SEPTIN14: variants seen among roughly 807,000 people sequenced by gnomAD.
SEPTIN14 encodes septin 14.
A neutral mutation model predicts 53.6 loss-of-function variants in SEPTIN14; 40 were observed. That is an observed-to-expected ratio of 0.75 (90% CI 0.58 to 0.97). SEPTIN14 has a LOEUF of 0.97. Ranked by LOEUF, SEPTIN14 falls within the 50% of genes least tolerant of loss-of-function variation. The probability of loss-of-function intolerance (pLI) is 0.00; values close to 1 mark genes in which losing one functional copy is unlikely to be tolerated. For missense variants in SEPTIN14, 471 were observed against 508.2 expected (o/e 0.93, Z 0.70); for synonymous variants, 138 against 166.8 (o/e 0.83, Z 1.33).
At chr7:55,861,107 A>G (rs1789741224) in intron 2 of SEPTIN14, among the ~76,000 whole-genome samples, 1 of 152,202 alleles carries the variant, frequency 6.6e-6, no homozygotes, top group Admixed American at 6.5e-5. Context: ...AGGAGTATTA[A>G]CCATGATTTG....
chr7:55,853,578 G>C (rs1202540096), intron 2 of SEPTIN14, among the ~76,000 whole-genome samples: 1 of 152,148 alleles, frequency 6.6e-6, no homozygotes, highest in Non-Finnish European at 1.5e-5. Context: ...CAAGGATATA[G>C]TTAGATAGAA....
chr7:55,828,549 C>T (rs1335109844), intron 6 of SEPTIN14, among the ~76,000 whole-genome samples: 1 of 152,058 alleles, frequency 6.6e-6, no homozygotes, highest in African/African-American at 2.4e-5. Context: ...CGTGATCCGC[C>T]CATCTCGGCC....
At chr7:55,839,108 C>T (rs1789261338) in intron 5 of SEPTIN14, among the ~76,000 whole-genome samples, 1 of 152,090 alleles carries the variant, frequency 6.6e-6, no homozygotes, top group Admixed American at 6.6e-5. Context: ...TATTTTGAGG[C>T]CAGGCGTGGT....
At chr7:55,857,147 C>T (rs959476621) in intron 2 of SEPTIN14, among the ~76,000 whole-genome samples, 1 of 151,556 alleles carries the variant, frequency 6.6e-6, no homozygotes, top group African/African-American at 2.4e-5. Context: ...CTGAGGCAGG[C>T]GGATCACCTG....
chr7:55,820,706 G>A (rs1199417753), intron 6 of SEPTIN14, among the ~76,000 whole-genome samples: 15 of 152,208 alleles, frequency 9.9e-5, no homozygotes, highest in South Asian at 2.1e-4. Context: ...TTGGGAGGCC[G>A]AGGTGGGCGG....
chr7:55,827,083 T>TA (rs1236929586), intron 6 of SEPTIN14, among the ~76,000 whole-genome samples: 2 of 152,150 alleles, frequency 1.3e-5, no homozygotes, highest in Non-Finnish European at 2.9e-5. Flanking sequence ...CTCCAGTACT[T>TA]ATGCATGCCA....
In SEPTIN14 at chr7:55,795,224, G is replaced by C. The variant is rs1422817486; in HGVS notation, c.*689C>G. On this transcript the variant is annotated 3_prime_UTR_variant, in exon 10 of 10. Transcript: ENST00000388975. ...TTTATGCCTATGAGTCCCCAACAAA[G>C]CCTCCAGCTTCTATTTGGATATAAA... 6.6e-6 allele frequency: 1 copy of C among 152,040 alleles called. No homozygotes were observed. The highest frequency in any genetic ancestry group is 2.4e-5 in the African/African-American group (1 of 41,366). 9.4% of individuals were successfully genotyped at this position (152,040 alleles called of 1,614,324 possible).
At chr7:55,861,858 A>C in intron 2 of SEPTIN14, 85 bp downstream of exon 2, 1 of 811,700 alleles carries the variant, frequency 1.2e-6, no homozygotes, top group Non-Finnish European at 1.9e-6. Context: ...CTATGCCTAC[A>C]TCAGTTTTCC....
intron 7 of SEPTIN14, among the ~76,000 whole-genome samples, chr7:55,813,843 G>A (rs1788747732): frequency 6.6e-6 from 1 of 152,172 alleles, no homozygotes; most frequent in Non-Finnish European, 1.5e-5. Context: ...CAGCCCAGCA[G>A]GACTCACCAC....
chr7:55,825,969 G>T (rs1366937800), intron 6 of SEPTIN14, among the ~76,000 whole-genome samples: 1 of 152,094 alleles, frequency 6.6e-6, no homozygotes, highest in East Asian at 1.9e-4. Flanking sequence ...GGGCGTGGTG[G>T]CAGGCGCCTG....
chr7:55,842,694 C>T (rs1026327639), intron 5 of SEPTIN14, among the ~76,000 whole-genome samples: 1 of 151,878 alleles, frequency 6.6e-6, no homozygotes, highest in Admixed American at 6.6e-5. Flanking sequence ...GGGAGGATCA[C>T]GAGGTCAGGA....
At chr7:55,811,309 G>C (rs1289753531) in intron 7 of SEPTIN14, 2 of 510,960 alleles carry the variant, frequency 3.9e-6, no homozygotes, top group African/African-American at 1.9e-5. Context: ...GGCTTGATTC[G>C]TATTTCCACT....
At chr7:55,827,803 C>T (rs1309568768) in intron 6 of SEPTIN14, among the ~76,000 whole-genome samples, 1 of 152,172 alleles carries the variant, frequency 6.6e-6, no homozygotes, top group Non-Finnish European at 1.5e-5. Context: ...CTCATAAGTG[C>T]CACTTACTGG....
chr7:55,847,879 ATCAT>A (rs1789440669), intron 2 of SEPTIN14, among the ~76,000 whole-genome samples: 1 of 151,550 alleles, frequency 6.6e-6, no homozygotes, highest in African/African-American at 2.4e-5. Flanking sequence ...AGGTTAAAAG[ATCAT>A]TCATTTTTTA....
At chr7:55,796,208 T>G in intron 9 of SEPTIN14, 116 bp from the exon 10 acceptor site, 1 of 673,344 alleles carries the variant, frequency 1.5e-6, no homozygotes, top group Non-Finnish European at 2.6e-6. Context: ...AGCATGATCT[T>G]AATAACAACC....
chr7:55,809,770 T>TAAA (rs71561969), intron 7 of SEPTIN14, among the ~76,000 whole-genome samples: 21 of 121,738 alleles, frequency 1.7e-4, no homozygotes, highest in African/African-American at 5.7e-4. Flanking sequence ...AAATAAAAAT[T>TAAA]AAAAAAAAAA....
intron 2 of SEPTIN14, among the ~76,000 whole-genome samples, chr7:55,849,804 A>C (rs1789488671): frequency 2.0e-5 from 3 of 152,182 alleles, no homozygotes; most frequent in African/African-American, 7.2e-5. Context: ...TCATAGCAGA[A>C]GTGGGAGAAT....
At position 55,834,565 on chromosome 7, in the gene SEPTIN14, C is replaced by A; in HGVS notation, c.580G>T (p.Ala194Ser). 1 of 1,608,454 alleles carries A rather than the reference C, an allele frequency of 6.2e-7. No homozygotes were observed. Among genetic ancestry groups the A allele is most frequent in the Non-Finnish European group, 8.5e-7 (1 of 1,175,976 alleles). ...TTTTTAGAAATAGTGTCTGCTTTGG[C>A]AATCAGTGGTATAATATTCACCTAT... Reference protein sequence around the residue: ...DSKVNIIPLIAKADTISKNDL... With the variant: ...DSKVNIIPLISKADTISKNDL... The change falls in exon 6 of 10, where the codon GCC becomes TCC. Residue 194 changes from alanine (A) to serine (S), a missense_variant. Coordinates refer to ENST00000388975, the MANE Select transcript of SEPTIN14 (RefSeq NM_207366.3).
chr7:55,803,654 T>A (rs147863482), intron 9 of SEPTIN14, among the ~76,000 whole-genome samples: 1 of 152,152 alleles, frequency 6.6e-6, no homozygotes, highest in African/African-American at 2.4e-5. Flanking sequence ...TCAAGACATG[T>A]AATCAACCCT....
Sources: gnomAD v4.1 joint callset for allele counts (sites outside exome capture counted in the v4.1 genomes callset) on GRCh38, gnomAD v4.1.1 for gene constraint, MANE v1.5 for transcripts, NCBI Gene and HGNC (gene_info 2026-07-23, HGNC 2026-07-21) for gene names.